The following POLM variants were observed in gnomAD, a reference collection of about 807,000 sequenced individuals.
POLM encodes DNA-directed DNA/RNA polymerase mu.
Under a neutral mutation model 56.7 loss-of-function variants are expected in POLM, and 52 were observed. The ratio of observed to expected loss-of-function variants is 0.92; its 90% CI spans 0.73 to 1.15. The LOEUF (loss-of-function observed/expected upper bound fraction) is 1.15, where lower values mean the gene tolerates loss of function less well. Ranked by LOEUF, POLM falls within the 50% of genes most tolerant of loss-of-function variation. The pLI, the probability that POLM is intolerant of heterozygous loss-of-function variation, is 0.00. For missense variants in POLM, 660 were observed against 663.6 expected (o/e 0.99, Z 0.06); for synonymous variants, 273 against 274.3 (o/e 1.00, Z 0.05).
chr7:44,076,755 C>G (rs1006352819), intron 5 of POLM, 126 bp from the exon 6 acceptor site: 31 of 1,217,278 alleles, frequency 2.5e-5, no homozygotes, highest in Non-Finnish European at 3.3e-5. Context: ...CCACTCGCAA[C>G]CTGCCGTAGA....
chr7:44,075,441 A>G (rs28382657), intron 6 of POLM, among the ~76,000 whole-genome samples: 4,145 of 152,276 alleles, frequency 0.027, 197 homozygotes, highest in African/African-American at 0.095. Flanking sequence ...TACTCTTGCC[A>G]TGGGGAGAGG....
intron 10 of POLM, 122 bp from the exon 11 acceptor site, chr7:44,073,499 T>C: frequency 6.3e-7 from 1 of 1,586,098 alleles, no homozygotes. Context: ...GGCCAGGAAC[T>C]GTGTGTGGAG....
chr7:44,073,477 T>C (rs771768815), intron 10 of POLM, 100 bp from the exon 11 acceptor site: 22 of 1,578,114 alleles, frequency 1.4e-5, no homozygotes, highest in Non-Finnish European at 1.8e-5. Context: ...CGAGGTGGGG[T>C]GTGCTCTTGA....
chr7:44,076,259 CAA>C (rs1586016941), intron 6 of POLM: 2 of 438,490 alleles, frequency 4.6e-6, no homozygotes, highest in East Asian at 8.9e-5. Flanking sequence ...GGTCACTGGT[CAA>C]AGTCTAACCA....
chr7:44,076,566 G>A lies in POLM; in HGVS notation c.778C>T (p.Arg260Ter), dbSNP rs781371970. Reference sequence around the variant, plus strand: ...TGCTCTCGGAGGTCATCTAAGGTTCGCAGTCCTTCCCGGTACCACCGGTCA... The same window carrying A: ...TGCTCTCGGAGGTCATCTAAGGTTCACAGTCCTTCCCGGTACCACCGGTCA... ...TADRWYREGL[R>*]TLDDLREQPQ... The change falls in exon 6 of 11, where the codon CGA becomes TGA. Residue 260 changes from arginine to a stop codon, truncating the protein, a stop_gained. Coordinates refer to ENST00000242248, the MANE Select transcript of POLM (RefSeq NM_013284.4). LOFTEE classifies it high-confidence loss of function. 91 of 1,613,848 alleles carry A rather than the reference G, an allele frequency of 5.6e-5. No individual in the cohort carries two copies. The highest frequency in any genetic ancestry group is 1.9e-4 in the African/African-American group (14 of 74,852).
chr7:44,076,660 A>T, intron 5 of POLM, 31 bp from the exon 6 acceptor site: 1 of 1,611,896 alleles, frequency 6.2e-7, no homozygotes, highest in Non-Finnish European at 8.5e-7. Flanking sequence ...CCGGTTGGGC[A>T]GAGCTCTCAT....
intron 4 of POLM, 110 bp downstream of exon 4, chr7:44,079,461 C>T: frequency 1.0e-6 from 1 of 996,722 alleles, no homozygotes; most frequent in Non-Finnish European, 1.5e-6. Flanking sequence ...GCAGTGTCAG[C>T]ACCCACGACT....
Position 44,076,611 on chromosome 7 carries a change from C to G in POLM, c.733G>C (p.Gly245Arg), listed in dbSNP as rs142658845. 2 of 1,614,072 alleles carry G rather than the reference C, an allele frequency of 1.2e-6. No individual in the cohort carries two copies. The highest frequency in any genetic ancestry group is 8.5e-7 in the Non-Finnish European group (1 of 1,180,020). Residue 245 changes from glycine to arginine, a missense_variant, in exon 6 of 11, where the codon GGG (glycine) becomes CGG (arginine). By Grantham distance (125) the Gly-to-Arg change is moderately radical (BLOSUM62 -2). Coordinates refer to ENST00000242248, the MANE Select transcript of POLM (RefSeq NM_013284.4). The stretch of plus-strand genomic sequence containing the variant: ...CGGTCAGCAGTCTTCACACCGACCC[C>G]GAAGATCTGGGTGAAGAGCTGTGGG... ...QTMKLFTQIF[G>R]VGVKTADRWY...
In POLM at chr7:44,073,003, CT is replaced by C; in HGVS notation, c.*287del. On this transcript the variant is annotated 3_prime_UTR_variant, in exon 11 of 11. Coordinates refer to ENST00000242248, the MANE Select transcript of POLM (RefSeq NM_013284.4). ...CCACAGCTCCACGATGTGGGCCCCA[CT>C]CACATCCCATCCAGGGCAGGAACGT... The C allele has an allele frequency of 9.0e-7, 1 of 1,113,950 alleles. No individual in the cohort carries two copies. 69.0% of individuals were successfully genotyped at this position (1,113,950 alleles called of 1,614,324 possible). A position where few individuals can be genotyped will look rare whatever the true frequency, so the allele number is the denominator to read the frequency against.
rs560232591 is a variant in POLM, at chr7:44,073,575, G to T, written c.1398+50C>A. 1.9e-6 allele frequency: 3 copies of T among 1,609,114 alleles called. No homozygotes were observed. In the Admixed American group the frequency reaches 5.0e-5, roughly 27 times the overall value. On this transcript the variant is annotated intron_variant, in intron 10 of 10. Coordinates refer to ENST00000242248, the MANE Select transcript of POLM (RefSeq NM_013284.4). Reference sequence around the variant, plus strand: ...TGGGGCCATTTCAGATTGTGGGTCAGGGAGCGGACTATGGGTGCTGTTTGC... The same window carrying T: ...TGGGGCCATTTCAGATTGTGGGTCATGGAGCGGACTATGGGTGCTGTTTGC...
At chr7:44,077,506 T>C (rs2096187015) in intron 5 of POLM, among the ~76,000 whole-genome samples, 1 of 152,228 alleles carries the variant, frequency 6.6e-6, no homozygotes, top group Non-Finnish European at 1.5e-5. Context: ...ATTAACCCAA[T>C]TATATTGTTA....
Position 44,074,494 on chromosome 7 carries a change from A to AG in POLM, c.871dup (p.Leu291ProfsTer40), listed in dbSNP as rs768921142. 2 of 1,597,550 alleles carry AG rather than the reference A, an allele frequency of 1.3e-6. No homozygotes were observed. The highest frequency in any genetic ancestry group is 2.7e-5 in the African/African-American group (2 of 74,770). On this transcript the variant is annotated frameshift_variant, in exon 7 of 11. Coordinates refer to ENST00000242248, the MANE Select transcript of POLM (RefSeq NM_013284.4). LOFTEE classifies it high-confidence loss of function. Reference sequence around the variant, plus strand: ...CTGCAGGGCATCTACATCGGACCGCAGGACTGGGGTGCTCAGGTCCTGGTG... The same window carrying AG: ...CTGCAGGGCATCTACATCGGACCGCAGGGACTGGGGTGCTCAGGTCCTGGTG...
chr7:44,082,395 CCGCTA>C lies in POLM; in HGVS notation c.39_43del (p.Ser14ArgfsTer45). The C allele has an allele frequency of 6.6e-7, 1 of 1,507,820 alleles. No individual in the cohort carries two copies. 93.4% of individuals were successfully genotyped at this position (1,507,820 alleles called of 1,614,324 possible). ...GGGCGGCGTGGAGGAAGCGGCATCG[CCGCTA>C]GGGGACCCGACCCGCGCTCGCCGCC... On this transcript the variant is annotated frameshift_variant, in exon 1 of 11. Coordinates refer to ENST00000242248, the MANE Select transcript of POLM (RefSeq NM_013284.4). LOFTEE classifies it high-confidence loss of function.
intron 4 of POLM, 147 bp downstream of exon 4, chr7:44,079,424 C>A: frequency 1.4e-6 from 1 of 708,072 alleles, no homozygotes; most frequent in Non-Finnish European, 2.4e-6. Context: ...AATCTGAGCG[C>A]AGAGGGTGGC....
At chr7:44,076,424 C>T in intron 6 of POLM, 85 bp downstream of exon 6, 1 of 1,565,840 alleles carries the variant, frequency 6.4e-7, no homozygotes, top group South Asian at 1.1e-5. Context: ...CACCAGACTG[C>T]TCCCTTCCCT....
chr7:44,076,917 C>T (rs907226981), intron 5 of POLM: 8 of 323,412 alleles, frequency 2.5e-5, no homozygotes, highest in Non-Finnish European at 4.6e-5. Context: ...CACCCTAACA[C>T]ATCAGCACGA....
rs1335730172 is a variant in POLM, at chr7:44,074,179, A to G, written c.1023T>C (p.Gly341=). The G allele has an allele frequency of 1.2e-6, 2 of 1,601,670 alleles. No individual in the cohort carries two copies. The highest frequency in any genetic ancestry group is 2.2e-5 in the South Asian group (2 of 89,420). The part of the protein sequence containing the change: ...VDFLITHPKE[G]QEAGLLPRVM... The stretch of plus-strand genomic sequence containing the variant: ...CTCTAGGCAGCAGCCCCGCCTCCTG[A>G]CCCTCCTTGGGGTGGGTGATGAGGA... Residue 341 remains glycine, a synonymous_variant, in exon 8 of 11, where the codon GGT becomes GGC. Coordinates refer to ENST00000242248, the MANE Select transcript of POLM (RefSeq NM_013284.4).
At chr7:44,079,536 C>CCCCCCAA in intron 4 of POLM, 35 bp downstream of exon 4, 2 of 1,432,118 alleles carry the variant, frequency 1.4e-6, no homozygotes, top group East Asian at 2.3e-5. Flanking sequence ...CCTCCCCACC[C>CCCCCCAA]ACCCACTCAC....
rs755917272 is a variant in POLM, at chr7:44,080,899, A to G, written c.206T>C (p.Val69Ala). 14 of 1,576,840 alleles carry G rather than the reference A, an allele frequency of 8.9e-6. No homozygotes were observed. Among genetic ancestry groups the G allele is most frequent in the Non-Finnish European group, 1.2e-5 (14 of 1,162,112 alleles). ...LDACSSEATH[V>A]VMEETSAEEA... Reference sequence around the variant, plus strand: ...CTCTGCTGAGGTCTCTTCCATCACAACATGTGTCGCTTCGGAGCTGGTGGA... The same window carrying G: ...CTCTGCTGAGGTCTCTTCCATCACAGCATGTGTCGCTTCGGAGCTGGTGGA... Residue 69 changes from valine to alanine, a missense_variant, in exon 2 of 11, where the codon GTT becomes GCT. Coordinates refer to ENST00000242248, the MANE Select transcript of POLM (RefSeq NM_013284.4).
Sources: gnomAD v4.1 joint callset for allele counts (sites outside exome capture counted in the v4.1 genomes callset) on GRCh38, gnomAD v4.1.1 for gene constraint, MANE v1.5 for transcripts, NCBI Gene and HGNC (gene_info 2026-07-23, HGNC 2026-07-21) for gene names.